RAMP3: variants seen among roughly 807,000 people sequenced by gnomAD.
RAMP3 encodes the protein receptor activity-modifying protein 3.
A neutral mutation model predicts 13.5 loss-of-function variants in RAMP3; 14 were observed. The ratio of observed to expected loss-of-function variants is 1.04; its 90% CI spans 0.69 to 1.63. RAMP3 has a LOEUF of 1.63. Among genes scored for constraint, RAMP3 ranks in the 40% most tolerant of loss-of-function variants. The probability of loss-of-function intolerance (pLI) is 0.00; values close to 1 mark genes in which losing one functional copy is unlikely to be tolerated. For missense variants in RAMP3, 200 were observed against 204.8 expected (o/e 0.98, Z 0.14); for synonymous variants, 106 against 88.3 (o/e 1.20, Z -1.12).
intron 1 of RAMP3, 23 bp downstream of exon 1, chr7:45,157,909 CG>C (rs1175956437): frequency 7.4e-6 from 10 of 1,346,818 alleles, no homozygotes; most frequent in South Asian, 7.4e-5. Context: ...CGGCCCGCAC[CG>C]GGGGCGCCCC....
chr7:45,175,387 GC>G (rs1209821300), intron 1 of RAMP3, among the ~76,000 whole-genome samples: 1 of 152,184 alleles, frequency 6.6e-6, no homozygotes, highest in Non-Finnish European at 1.5e-5. Context: ...GTTCTCTGGG[GC>G]CTCAAGATGC....
At chr7:45,182,818 G>T (rs1428655122) in intron 2 of RAMP3, among the ~76,000 whole-genome samples, 2 of 152,186 alleles carry the variant, frequency 1.3e-5, no homozygotes, top group South Asian at 2.1e-4. Context: ...GCACCCTTTG[G>T]CCCTGGAGAA....
chr7:45,176,361 A>C (rs1786186501), intron 1 of RAMP3, among the ~76,000 whole-genome samples: 1 of 151,652 alleles, frequency 6.6e-6, no homozygotes, highest in African/African-American at 2.4e-5. Context: ...ATATGCACTA[A>C]GATATAGATG....
intron 1 of RAMP3, 68 bp downstream of exon 1, chr7:45,157,954 C>T (rs1785791818): frequency 2.4e-6 from 3 of 1,274,368 alleles, no homozygotes; most frequent in East Asian, 6.3e-5. Context: ...CGGGTGGACC[C>T]GCGCCTTCCC....
At chr7:45,172,022 G>A (rs1238888093) in intron 1 of RAMP3, among the ~76,000 whole-genome samples, 1 of 152,352 alleles carries the variant, frequency 6.6e-6, no homozygotes, top group Non-Finnish European at 1.5e-5. Flanking sequence ...TCCTCCCATT[G>A]TGGAGCCTCC....
At chr7:45,158,315 C>T (rs1344230902) in intron 1 of RAMP3, among the ~76,000 whole-genome samples, 1 of 152,188 alleles carries the variant, frequency 6.6e-6, no homozygotes, top group African/African-American at 2.4e-5. Flanking sequence ...CCACCACTCA[C>T]AGGGGCGTGG....
chr7:45,182,813 C>G lies in RAMP3; in HGVS notation c.192-344C>G, dbSNP rs115619218. On this transcript the variant is annotated intron_variant, in intron 2 of 2. Transcript: ENST00000242249. ...TCCAAGCGGCTGTGATCCAGGCACCCTTTGGCCCTGGAGAAGCATGGCTTG... is the reference window on the plus strand; with the variant it reads ...TCCAAGCGGCTGTGATCCAGGCACCGTTTGGCCCTGGAGAAGCATGGCTTG... Among the ~76,000 whole-genome samples the G allele has an allele frequency of 4.8e-3, 730 of 152,256 alleles. 2 individuals carry two copies. Among genetic ancestry groups the G allele is most frequent in the African/African-American group, 0.017 (697 of 41,552 alleles).
intron 2 of RAMP3, among the ~76,000 whole-genome samples, chr7:45,179,158 G>A (rs2580792): frequency 0.42 from 63,640 of 151,688 alleles, 14,305 homozygotes; most frequent in Admixed American, 0.51. Flanking sequence ...AGGCTGGAGA[G>A]AGCGGCTGAT....
At chr7:45,172,097 G>A (rs1786094472) in intron 1 of RAMP3, among the ~76,000 whole-genome samples, 1 of 152,222 alleles carries the variant, frequency 6.6e-6, no homozygotes, top group Non-Finnish European at 1.5e-5. Flanking sequence ...CATGCCTGGT[G>A]CAGAACCTCC....
chr7:45,183,011 A>T, intron 2 of RAMP3, 146 bp from the exon 3 acceptor site: 1 of 1,123,070 alleles, frequency 8.9e-7, no homozygotes, highest in Non-Finnish European at 1.3e-6. Flanking sequence ...CTGTGGCCAG[A>T]ATGGGGATTT....
intron 1 of RAMP3, among the ~76,000 whole-genome samples, chr7:45,168,388 A>T (rs1164472249): frequency 4.0e-5 from 5 of 123,586 alleles, no homozygotes; most frequent in African/African-American, 1.6e-4. Context: ...CTTGGGTGAC[A>T]GAGTGAGACT....
At chr7:45,161,149 G>T (rs539921288) in intron 1 of RAMP3, among the ~76,000 whole-genome samples, 1 of 152,226 alleles carries the variant, frequency 6.6e-6, no homozygotes, top group Non-Finnish European at 1.5e-5. Flanking sequence ...AGGTCCTTGC[G>T]ATGGGGCATG....
At chr7:45,166,481 T>C (rs1178412870) in intron 1 of RAMP3, among the ~76,000 whole-genome samples, 1 of 152,246 alleles carries the variant, frequency 6.6e-6, no homozygotes, top group Non-Finnish European at 1.5e-5. Flanking sequence ...ACTATTCATA[T>C]CCTTTGCCCA....
chr7:45,167,761 T>C (rs1294951), intron 1 of RAMP3, among the ~76,000 whole-genome samples: 9,390 of 151,932 alleles, frequency 0.062, 391 homozygotes, highest in East Asian at 0.11. Flanking sequence ...TAATTTTGTA[T>C]TTTTAGTAGA....
chr7:45,181,277 T>C (rs1275727024), intron 2 of RAMP3, among the ~76,000 whole-genome samples: 4 of 152,256 alleles, frequency 2.6e-5, no homozygotes, highest in Non-Finnish European at 4.4e-5. Context: ...CTGTCCATGC[T>C]GTCTTCTGGG....
intron 1 of RAMP3, among the ~76,000 whole-genome samples, chr7:45,167,796 G>T (rs896893361): frequency 5.9e-5 from 9 of 151,750 alleles, no homozygotes; most frequent in Non-Finnish European, 8.8e-5. Context: ...ATGTTGGTCA[G>T]GCTGGTCTCC....
intron 2 of RAMP3, among the ~76,000 whole-genome samples, chr7:45,179,492 G>C (rs935951053): frequency 6.6e-6 from 1 of 152,198 alleles, no homozygotes; most frequent in Non-Finnish European, 1.5e-5. Flanking sequence ...CGTCACGACT[G>C]ATATCTTCAG....
intron 1 of RAMP3, among the ~76,000 whole-genome samples, chr7:45,166,343 G>C (rs190807105): frequency 6.6e-6 from 1 of 152,182 alleles, no homozygotes; most frequent in East Asian, 1.9e-4. Context: ...CTGCCTTTTT[G>C]ATGATAGCCA....
chr7:45,158,140 G>A (rs1785795125), intron 1 of RAMP3, among the ~76,000 whole-genome samples: 1 of 152,240 alleles, frequency 6.6e-6, no homozygotes, highest in Non-Finnish European at 1.5e-5. Flanking sequence ...GCAGGGTCCG[G>A]CAGCCCCCGG....
Sources: gnomAD v4.1 joint callset for allele counts (sites outside exome capture counted in the v4.1 genomes callset) on GRCh38, gnomAD v4.1.1 for gene constraint, MANE v1.5 for transcripts, NCBI Gene and HGNC (gene_info 2026-07-23, HGNC 2026-07-21) for gene names.